Variants in PTPRD observed in about 807,000 individuals in gnomAD.
The protein encoded by PTPRD is receptor-type tyrosine-protein phosphatase delta.
A neutral mutation model predicts 214.5 loss-of-function variants in PTPRD; 34 were observed. The observed-to-expected ratio is 0.16, with a 90% confidence interval of 0.12 to 0.21. The LOEUF (loss-of-function observed/expected upper bound fraction) is 0.21, where lower values mean the gene tolerates loss of function less well. Ranked by LOEUF, PTPRD falls within the 10% of genes least tolerant of loss-of-function variation. PTPRD has a pLI of 1.00. For synonymous variants in PTPRD, 1,128 were observed against 845.7 expected (o/e 1.33, Z -5.79); for missense variants, 2,545 against 2,398.7 (o/e 1.06, Z -1.27).
intron 36 of PTPRD, among the ~76,000 whole-genome samples, chr9:8,398,916 CT>C (rs1452661645): frequency 6.6e-6 from 1 of 152,054 alleles, no homozygotes; most frequent in Non-Finnish European, 1.5e-5. Context: ...ACATGGATCC[CT>C]ATTTTACTAA....
chr9:10,446,526 T>G (rs1433198897), intron 2 of PTPRD, among the ~76,000 whole-genome samples: 4 of 135,400 alleles, frequency 3.0e-5, no homozygotes, highest in African/African-American at 8.4e-5. Flanking sequence ...TCCAAGAAAA[T>G]CAAATAGTAT....
rs1822421458 is a variant in PTPRD, at chr9:8,317,098, T to TGAA, written c.*773_*775dup. 1 of 199,560 alleles carries TGAA rather than the reference T, an allele frequency of 5.0e-6. No homozygotes were observed. Among genetic ancestry groups the TGAA allele is most frequent in the East Asian group, 6.2e-5 (1 of 16,030 alleles). The allele number at this position is 199,560 out of a possible 1,614,324, so 12.4% of individuals were successfully genotyped here. A position where few individuals can be genotyped will look rare whatever the true frequency, so the allele number is the denominator to read the frequency against. Reference sequence around the variant, plus strand: ...TGGGTACTTTCTCACCAATCAAAACTGAAGTGTAAAATTAATATATCTGAC... The same window carrying TGAA: ...TGGGTACTTTCTCACCAATCAAAACTGAAGAAGTGTAAAATTAATATATCTGAC... On this transcript the variant is annotated 3_prime_UTR_variant, in exon 46 of 46. Coordinates refer to ENST00000381196, the MANE Select transcript of PTPRD (RefSeq NM_002839.4).
At chr9:8,540,720 T>G (rs1403686884) in intron 14 of PTPRD, among the ~76,000 whole-genome samples, 1 of 152,136 alleles carries the variant, frequency 6.6e-6, no homozygotes, top group Non-Finnish European at 1.5e-5. Flanking sequence ...CCTCAGCTCA[T>G]CACAGTTCTC....
chr9:9,317,507 T>G (rs1359993301), intron 9 of PTPRD, among the ~76,000 whole-genome samples: 1 of 152,116 alleles, frequency 6.6e-6, no homozygotes, highest in East Asian at 1.9e-4. Flanking sequence ...CTACCCCACC[T>G]CCTAAACGTC....
chr9:8,544,493 C>CA (rs2079413883), intron 14 of PTPRD, among the ~76,000 whole-genome samples: 1 of 120,144 alleles, frequency 8.3e-6, no homozygotes, highest in East Asian at 2.5e-4. Context: ...TTTTTTGAGA[C>CA]AGAGTCTCAT....
intron 3 of PTPRD, among the ~76,000 whole-genome samples, chr9:10,250,492 G>T (rs1363808500): frequency 6.6e-6 from 1 of 152,054 alleles, no homozygotes; most frequent in Non-Finnish European, 1.5e-5. Flanking sequence ...CTTAAAAGGG[G>T]CTTGGCTATT....
At chr9:10,196,297 T>C (rs1198080190) in intron 3 of PTPRD, among the ~76,000 whole-genome samples, 1 of 152,186 alleles carries the variant, frequency 6.6e-6, no homozygotes, top group East Asian at 1.9e-4. Flanking sequence ...AGATCTTTGA[T>C]GTCACTAATA....
chr9:8,346,095 C>T (rs113477590), intron 39 of PTPRD, among the ~76,000 whole-genome samples: 2 of 152,150 alleles, frequency 1.3e-5, no homozygotes, highest in African/African-American at 4.8e-5. Flanking sequence ...CAAATCTGCT[C>T]CTCCCACTCT....
Position 8,749,884 on chromosome 9 carries a change from C to A in PTPRD, c.-103-15938G>T, listed in dbSNP as rs546560975. ...TGGGAGGCCAAGGAGGGTGGATGAT[C>A]TGAAGTCAGGAGTTCAAGACCAGCC... On this transcript the variant is annotated intron_variant, in intron 11 of 45. Coordinates refer to ENST00000381196, the MANE Select transcript of PTPRD (RefSeq NM_002839.4). Among the ~76,000 whole-genome samples, 7 of 152,132 alleles carry A rather than the reference C, an allele frequency of 4.6e-5. No homozygotes were observed. The East Asian group carries it at 1.4e-3, about 30-fold the overall frequency.
At chr9:9,281,592 A>G in intron 9 of PTPRD, among the ~76,000 whole-genome samples, 1 of 151,468 alleles carries the variant, frequency 6.6e-6, no homozygotes, top group African/African-American at 2.4e-5. Flanking sequence ...CAAAATATTA[A>G]CAACACAAAA....
intron 5 of PTPRD, among the ~76,000 whole-genome samples, chr9:9,830,066 A>C (rs903238563): frequency 6.6e-6 from 1 of 151,588 alleles, no homozygotes; most frequent in African/African-American, 2.4e-5. Context: ...ATTCATCTCT[A>C]TTTCTTGGCA....
chr9:10,564,407 G>A (rs185323930), intron 2 of PTPRD, among the ~76,000 whole-genome samples: 64 of 150,390 alleles, frequency 4.3e-4, no homozygotes, highest in African/African-American at 1.5e-3. Flanking sequence ...AATTTTGGCA[G>A]TAGGAGGCAC....
At chr9:9,808,605 T>C (rs758484142) in intron 5 of PTPRD, among the ~76,000 whole-genome samples, 74 of 152,140 alleles carry the variant, frequency 4.9e-4, no homozygotes, top group Non-Finnish European at 8.5e-4. Context: ...TGCCCCTCAT[T>C]TTCCTTTAAC....
At chr9:10,560,175 T>C (rs1010434232) in intron 2 of PTPRD, among the ~76,000 whole-genome samples, 20 of 152,134 alleles carry the variant, frequency 1.3e-4, no homozygotes, top group African/African-American at 4.6e-4. Context: ...CCATCAATGA[T>C]AGAATGGATT....
chr9:8,779,548 T>C (rs1385622324), intron 11 of PTPRD, among the ~76,000 whole-genome samples: 2 of 152,256 alleles, frequency 1.3e-5, no homozygotes, highest in East Asian at 3.9e-4. Context: ...TACATATTAT[T>C]ACAACTAGGA....
chr9:10,479,837 G>A (rs1357161007), intron 2 of PTPRD, among the ~76,000 whole-genome samples: 5 of 151,744 alleles, frequency 3.3e-5, no homozygotes, highest in Non-Finnish European at 5.9e-5. Context: ...AGAACAAACC[G>A]CGGAGCTGTG....
At chr9:8,937,889 T>G (rs184374863) in intron 11 of PTPRD, among the ~76,000 whole-genome samples, 154 of 152,330 alleles carry the variant, frequency 1.0e-3, no homozygotes, top group African/African-American at 3.6e-3. Flanking sequence ...ATATGTATTT[T>G]CACTGAAAAT....
intron 32 of PTPRD, among the ~76,000 whole-genome samples, chr9:8,462,449 A>C (rs1307385783): frequency 6.6e-6 from 1 of 151,978 alleles, no homozygotes; most frequent in East Asian, 1.9e-4. Flanking sequence ...TGCAACTATA[A>C]AGCCTTCAAG....
At chr9:8,694,534 T>A (rs961381031) in intron 12 of PTPRD, among the ~76,000 whole-genome samples, 11 of 152,138 alleles carry the variant, frequency 7.2e-5, no homozygotes, top group African/African-American at 1.2e-4. Flanking sequence ...TTAGGTAGGA[T>A]CTAAACATGC....
Sources: gnomAD v4.1 joint callset for allele counts (sites outside exome capture counted in the v4.1 genomes callset) on GRCh38, gnomAD v4.1.1 for gene constraint, MANE v1.5 for transcripts, NCBI Gene and HGNC (gene_info 2026-07-23, HGNC 2026-07-21) for gene names.